Variants in NRG1 observed in about 807,000 individuals in gnomAD.
The protein encoded by NRG1 is pro-neuregulin-1, membrane-bound isoform.
In NRG1, 18 loss-of-function variants were observed where a neutral mutation model predicts 63.8. The ratio of observed to expected loss-of-function variants is 0.28; its 90% CI spans 0.19 to 0.42. The LOEUF is 0.42. NRG1 is among the 10% of genes least tolerant of loss of function. The pLI, the probability that NRG1 is intolerant of heterozygous loss-of-function variation, is 1.00. For synonymous variants in NRG1, 302 were observed against 301.3 expected, an observed-to-expected ratio of 1.00 and a Z score of -0.02; for missense variants, 762 against 814.7, an observed-to-expected ratio of 0.94 and a Z score of 0.79.
At chr8:32,637,082 T>G (rs1000412864) in intron 5 of NRG1, among the ~76,000 whole-genome samples, 1 of 152,124 alleles carries the variant, frequency 6.6e-6, no homozygotes, top group Non-Finnish European at 1.5e-5. Flanking sequence ...AAAAATTTTT[T>G]AAAAAGTTCC....
chr8:32,040,006 A>G (rs927610807), intron 1 of NRG1, among the ~76,000 whole-genome samples: 7 of 152,140 alleles, frequency 4.6e-5, no homozygotes, highest in African/African-American at 1.2e-4. Flanking sequence ...TAGGTGACAG[A>G]GCCAGATCCT....
chr8:31,863,817 G>A (rs989250993), intron 1 of NRG1, among the ~76,000 whole-genome samples: 2 of 152,088 alleles, frequency 1.3e-5, no homozygotes, highest in Non-Finnish European at 2.9e-5. Context: ...TTCTTTTTCA[G>A]GATAGGTTAG....
chr8:32,410,803 G>A (rs1159731451), intron 1 of NRG1, among the ~76,000 whole-genome samples: 1 of 151,710 alleles, frequency 6.6e-6, no homozygotes, highest in Admixed American at 6.6e-5. Context: ...TTATGAACCT[G>A]TTTAAGGAAA....
At chr8:31,678,719 G>A (rs1394862880) in intron 1 of NRG1, among the ~76,000 whole-genome samples, 1 of 147,710 alleles carries the variant, frequency 6.8e-6, no homozygotes. Flanking sequence ...ATTTATTAAA[G>A]TATTAAATAT....
intron 1 of NRG1, among the ~76,000 whole-genome samples, chr8:31,852,393 T>C (rs971046890): frequency 3.9e-5 from 6 of 151,992 alleles, no homozygotes; most frequent in African/African-American, 1.5e-4. Flanking sequence ...GTTTTTTGGC[T>C]GCATAAATGT....
At chr8:32,629,836 A>C (rs1218643326) in intron 5 of NRG1, among the ~76,000 whole-genome samples, 1 of 152,176 alleles carries the variant, frequency 6.6e-6, no homozygotes, top group African/African-American at 2.4e-5. Context: ...GTAGTGCTGA[A>C]GAGGCACTTG....
At chr8:32,044,925 A>AAAAAAC (rs1284298286) in intron 1 of NRG1, among the ~76,000 whole-genome samples, 1 of 148,654 alleles carries the variant, frequency 6.7e-6, no homozygotes, top group African/African-American at 2.4e-5. Context: ...AAAAAAAAAA[A>AAAAAAC]AAAAAACACA....
At chr8:32,399,502 C>T (rs1158625075) in intron 1 of NRG1, among the ~76,000 whole-genome samples, 1 of 152,094 alleles carries the variant, frequency 6.6e-6, no homozygotes, top group Non-Finnish European at 1.5e-5. Flanking sequence ...GTCAGGAGTT[C>T]GAGGCCAGCG....
intron 1 of NRG1, among the ~76,000 whole-genome samples, chr8:32,589,700 C>T (rs1383783695): frequency 2.6e-5 from 4 of 152,164 alleles, no homozygotes; most frequent in African/African-American, 9.7e-5. Context: ...GCAGCAGACA[C>T]ATGCTAAAAT....
chr8:31,770,547 C>T (rs1013814931), intron 1 of NRG1, among the ~76,000 whole-genome samples: 1 of 147,000 alleles, frequency 6.8e-6, no homozygotes, highest in Non-Finnish European at 1.5e-5. Context: ...TGTTCTCACT[C>T]ATAGGTGGGA....
chr8:32,712,442 T>C (rs897034635), intron 5 of NRG1, among the ~76,000 whole-genome samples: 2 of 152,170 alleles, frequency 1.3e-5, no homozygotes, highest in Non-Finnish European at 2.9e-5. Flanking sequence ...GGGAATTTAG[T>C]ATGTCTCCTA....
intron 1 of NRG1, among the ~76,000 whole-genome samples, chr8:31,691,953 C>T (rs1025879398): frequency 1.3e-5 from 2 of 152,144 alleles, no homozygotes; most frequent in Non-Finnish European, 2.9e-5. Flanking sequence ...CTGCCTCAGT[C>T]TCCTGAATAG....
At chr8:31,723,037 A>ATTTAGATTGAACTAAGTTAATCTAAAT (rs1262267974) in intron 1 of NRG1, among the ~76,000 whole-genome samples, 1 of 152,198 alleles carries the variant, frequency 6.6e-6, no homozygotes, top group Non-Finnish European at 1.5e-5. Flanking sequence ...TCTTATATTG[A>ATTTAGATTGAACTAAGTTAATCTAAAT]TGAACTTAGA....
chr8:32,206,485 G>A (rs1360201835), intron 1 of NRG1, among the ~76,000 whole-genome samples: 1 of 152,140 alleles, frequency 6.6e-6, no homozygotes, highest in Non-Finnish European at 1.5e-5. Context: ...ACTTTTTCAA[G>A]ATGCATATTT....
intron 1 of NRG1, among the ~76,000 whole-genome samples, chr8:32,401,507 A>T (rs1468339489): frequency 4.6e-5 from 7 of 152,038 alleles, no homozygotes; most frequent in Non-Finnish European, 1.0e-4. Context: ...CCTAACACTT[A>T]AAAAAAGGCT....
chr8:32,751,420 G>C (rs1180130720), intron 7 of NRG1, among the ~76,000 whole-genome samples: 1 of 152,116 alleles, frequency 6.6e-6, no homozygotes, highest in African/African-American at 2.4e-5. Flanking sequence ...CTTGTTTTTA[G>C]CCCTGTCTGT....
At chr8:32,388,260 C>T (rs1013311650) in intron 1 of NRG1, among the ~76,000 whole-genome samples, 2 of 152,072 alleles carry the variant, frequency 1.3e-5, no homozygotes, top group African/African-American at 4.8e-5. Context: ...ACTTGAAGAG[C>T]CTCTCTGTTG....
chr8:32,462,123 A>G (rs538621152), intron 1 of NRG1, among the ~76,000 whole-genome samples: 14 of 152,324 alleles, frequency 9.2e-5, no homozygotes, highest in African/African-American at 3.4e-4. Context: ...AATACAGGGC[A>G]TACACACAGA....
chr8:31,844,615 A>G (rs1826498272), intron 1 of NRG1, among the ~76,000 whole-genome samples: 1 of 152,058 alleles, frequency 6.6e-6, no homozygotes, highest in Admixed American at 6.6e-5. Flanking sequence ...TGTTGTCAGC[A>G]TTTTTCTGCT....
Sources: gnomAD v4.1 joint callset for allele counts (sites outside exome capture counted in the v4.1 genomes callset) on GRCh38, gnomAD v4.1.1 for gene constraint, MANE v1.5 for transcripts, NCBI Gene and HGNC (gene_info 2026-07-23, HGNC 2026-07-21) for gene names.